Variants in TMEM165 observed in about 807,000 individuals in gnomAD.
TMEM165 encodes the protein putative divalent cation/proton antiporter TMEM165.
A neutral mutation model predicts 30.0 loss-of-function variants in TMEM165; 19 were observed. The ratio of observed to expected loss-of-function variants is 0.63; its 90% CI spans 0.44 to 0.93. The LOEUF (loss-of-function observed/expected upper bound fraction) is 0.93, where lower values mean the gene tolerates loss of function less well. TMEM165 is among the 40% of genes least tolerant of loss of function. The pLI is 0.00. For missense variants in TMEM165, 340 were observed against 417.0 expected, an observed-to-expected ratio of 0.82 and a Z score of 1.61; for synonymous variants, 168 against 162.9, an observed-to-expected ratio of 1.03 and a Z score of -0.24.
chr4:55,397,317 A>G (rs901603000), intron 1 of TMEM165: 2 of 152,080 alleles, frequency 1.3e-5, no homozygotes, highest in African/African-American at 4.8e-5. Flanking sequence ...TAGGAGAGTG[A>G]TGTTCAGGTT....
At chr4:55,413,914 A>G (rs1303399220) in intron 2 of TMEM165, among the ~76,000 whole-genome samples, 2 of 152,232 alleles carry the variant, frequency 1.3e-5, no homozygotes, top group Non-Finnish European at 1.5e-5. Flanking sequence ...GTATTGATAC[A>G]GTACTTGAAT....
At chr4:55,448,262 A>G (rs1724048266) in intron 3 of TMEM165, among the ~76,000 whole-genome samples, 1 of 152,232 alleles carries the variant, frequency 6.6e-6, no homozygotes, top group South Asian at 2.1e-4. Flanking sequence ...AACTCAATAA[A>G]TATCAAAAGA....
chr4:55,416,474 G>A (rs1053510809), intron 2 of TMEM165, among the ~76,000 whole-genome samples: 2 of 152,072 alleles, frequency 1.3e-5, no homozygotes, highest in African/African-American at 4.8e-5. Flanking sequence ...GGGAAAGAGT[G>A]GAACTGAATG....
At chr4:55,433,338 G>A (rs1285148344) in intron 3 of TMEM165, 1 of 152,552 alleles carries the variant, frequency 6.6e-6, no homozygotes, top group Admixed American at 6.6e-5. Flanking sequence ...TTTTGTAGAA[G>A]GGTAAGTACC....
At position 55,417,852 on chromosome 4, in the gene TMEM165, C is replaced by T. The variant is rs1316597578; in HGVS notation, c.659C>T (p.Thr220Ile). ...GGACCGGGAGATGTTGAAACGGGTA[C>T]AAGCATAACAGTACCTCAGAAAAAG... ...LNGPGDVETG[T>I]SITVPQKKWL... Residue 220 changes from threonine to isoleucine, a missense_variant, in exon 4 of 6, where the codon ACA becomes ATA. Around this residue, in one of 2 missense-constraint regions of TMEM165, gnomAD observed 220 missense variants for 307.6 expected, o/e 0.72. Transcript: ENST00000381334. 2.5e-6 allele frequency: 4 copies of T among 1,613,692 alleles called. No individual in the cohort carries two copies. Among genetic ancestry groups the T allele is most frequent in the Non-Finnish European group, 3.4e-6 (4 of 1,179,880 alleles).
chr4:55,447,947 T>G (rs1451445455), intron 3 of TMEM165, among the ~76,000 whole-genome samples: 3 of 152,174 alleles, frequency 2.0e-5, no homozygotes, highest in Non-Finnish European at 2.9e-5. Context: ...AAATTACAAG[T>G]TGGGAAGTTA....
chr4:55,430,507 T>A (rs1364385079), downstream of TMEM165: 1 of 152,074 alleles, frequency 6.6e-6, no homozygotes, highest in Admixed American at 6.5e-5. Flanking sequence ...CCTGAATAAC[T>A]GTGCCAACAA....
At chr4:55,431,039 T>C (rs1722466207), downstream of TMEM165, 1 of 152,218 alleles carries the variant, frequency 6.6e-6, no homozygotes, top group South Asian at 2.1e-4. Flanking sequence ...AAGTGATGAT[T>C]TGGGGATCCT....
chr4:55,438,935 G>T (rs2109652639), intron 3 of TMEM165, among the ~76,000 whole-genome samples: 1 of 152,288 alleles, frequency 6.6e-6, no homozygotes, highest in East Asian at 1.9e-4. Context: ...ATAGTTAGCA[G>T]CTGGAATTAG....
At chr4:55,436,738 T>C (rs1328743544) in intron 3 of TMEM165, among the ~76,000 whole-genome samples, 4 of 152,124 alleles carry the variant, frequency 2.6e-5, no homozygotes, top group Non-Finnish European at 4.4e-5. Context: ...TTGATACTTA[T>C]GAGCCTTATA....
intron 2 of TMEM165, among the ~76,000 whole-genome samples, chr4:55,414,888 C>T (rs189198215): frequency 6.6e-6 from 1 of 152,236 alleles, no homozygotes; most frequent in East Asian, 1.9e-4. Flanking sequence ...ATAGGTGATA[C>T]TTTGTCTCTC....
At chr4:55,443,883 T>G (rs754789250) in intron 3 of TMEM165, 2 of 1,612,568 alleles carry the variant, frequency 1.2e-6, no homozygotes, top group Non-Finnish European at 1.7e-6. Flanking sequence ...AGGATTTGAT[T>G]GTTGCAAAAA....
At chr4:55,419,127 A>G (rs987243934) in intron 4 of TMEM165, among the ~76,000 whole-genome samples, 10 of 152,146 alleles carry the variant, frequency 6.6e-5, no homozygotes, top group Non-Finnish European at 7.4e-5. Flanking sequence ...GTGCTTATCT[A>G]TCGTTGCGTA....
intron 3 of TMEM165, among the ~76,000 whole-genome samples, chr4:55,449,813 T>TA (rs11347931): frequency 2.6e-5 from 4 of 152,002 alleles, no homozygotes; most frequent in Admixed American, 1.3e-4. Flanking sequence ...GGCCCTACAG[T>TA]AAAAAAACAC....
At chr4:55,445,784 T>C (rs1723795167) in intron 3 of TMEM165, among the ~76,000 whole-genome samples, 3 of 151,210 alleles carry the variant, frequency 2.0e-5, no homozygotes, top group South Asian at 2.1e-4. Context: ...CTTGTAAAAA[T>C]AGGGTCTTGC....
chr4:55,424,821 T>G (rs935353118), intron 5 of TMEM165, 178 bp downstream of exon 5: 2 of 539,876 alleles, frequency 3.7e-6, no homozygotes, highest in African/African-American at 3.9e-5. Context: ...TTCACCTGTG[T>G]AGAAGTTAGC....
At chr4:55,400,272 A>AATATTATATATTAT (rs1720911678) in intron 1 of TMEM165, among the ~76,000 whole-genome samples, 2 of 83,176 alleles carry the variant, frequency 2.4e-5, no homozygotes, top group African/African-American at 9.4e-5. Context: ...TATAATATAT[A>AATATTATATATTAT]ATATAATATT....
intron 4 of TMEM165, among the ~76,000 whole-genome samples, chr4:55,421,623 T>G (rs775968798): frequency 6.6e-6 from 1 of 152,102 alleles, no homozygotes; most frequent in Non-Finnish European, 1.5e-5. Flanking sequence ...TGGGTAGCAG[T>G]TTATAATACA....
chr4:55,451,329 C>T (rs927346212), intron 3 of TMEM165, among the ~76,000 whole-genome samples: 1 of 152,188 alleles, frequency 6.6e-6, no homozygotes, highest in African/African-American at 2.4e-5. Flanking sequence ...TGATCATTCA[C>T]TCCTCACTGA....
Sources: gnomAD v4.1 joint callset for allele counts (sites outside exome capture counted in the v4.1 genomes callset) on GRCh38, gnomAD v4.1.1 for gene constraint, gnomAD v4.1.1 regional missense constraint, MANE v1.5 for transcripts, NCBI Gene and HGNC (gene_info 2026-07-23, HGNC 2026-07-21) for gene names.